Variants in UGT1A8 observed in about 807,000 individuals in gnomAD.
The protein encoded by UGT1A8 is UDP-glucuronosyltransferase 1A8.
In UGT1A8, 39 loss-of-function variants were observed where a neutral mutation model predicts 45.3. The ratio of observed to expected loss-of-function variants is 0.86; its 90% CI spans 0.67 to 1.12. The LOEUF is 1.12. Ranked by LOEUF, UGT1A8 falls within the 50% of genes most tolerant of loss-of-function variation. UGT1A8 has a pLI of 0.00. For synonymous variants in UGT1A8, 275 were observed against 249.2 expected (o/e 1.10, Z -0.97); for missense variants, 719 against 664.9 (o/e 1.08, Z -0.90).
chr2:233,677,969 C>T (rs1392545805), intron 1 of UGT1A8, among the ~76,000 whole-genome samples: 2 of 152,092 alleles, frequency 1.3e-5, no homozygotes, highest in Admixed American at 6.6e-5. Flanking sequence ...AACACATACT[C>T]CATGGAATAT....
chr2:233,713,818 T>C lies in UGT1A8; in HGVS notation c.856-53216T>C, dbSNP rs147668404. 307 of 1,614,106 alleles carry C rather than the reference T, an allele frequency of 1.9e-4. 1 individual carries two copies. The highest frequency in any genetic ancestry group is 2.1e-4 in the Non-Finnish European group (243 of 1,179,982). On this transcript the variant is annotated intron_variant, in intron 1 of 4. Transcript: ENST00000373450. ...CCGATCATGCCCAACATGGTCTTCA[T>C]TGGGGGCATCAACTGTGCCAACGGG...
At chr2:233,691,504 G>T (rs45594938) in intron 1 of UGT1A8, 354 of 985,758 alleles carry the variant, frequency 3.6e-4, no homozygotes, top group Middle Eastern at 5.2e-4. Flanking sequence ...AGGAACTCGC[G>T]TGCCAGCCAG....
At chr2:233,628,815 A>G (rs1460177613) in intron 1 of UGT1A8, among the ~76,000 whole-genome samples, 1 of 152,090 alleles carries the variant, frequency 6.6e-6, no homozygotes, top group Non-Finnish European at 1.5e-5. Context: ...AGAATTTTTT[A>G]TCACAAATCG....
At chr2:233,737,020 G>A (rs2078835336) in intron 1 of UGT1A8, among the ~76,000 whole-genome samples, 1 of 152,228 alleles carries the variant, frequency 6.6e-6, no homozygotes, top group African/African-American at 2.4e-5. Context: ...GAGGCAGTCT[G>A]TCCATTCTCA....
chr2:233,754,865 T>G, intron 1 of UGT1A8: 2 of 1,351,074 alleles, frequency 1.5e-6, no homozygotes, highest in Non-Finnish European at 2.0e-6. Flanking sequence ...GTGCAGACCC[T>G]CTGCTTCTGC....
chr2:233,734,624 C>A (rs1319602311), intron 1 of UGT1A8, among the ~76,000 whole-genome samples: 1 of 152,146 alleles, frequency 6.6e-6, no homozygotes, highest in Non-Finnish European at 1.5e-5. Flanking sequence ...GATTTTAGAT[C>A]TTTCCTGCTT....
chr2:233,735,210 C>T (rs1481104383), intron 1 of UGT1A8, among the ~76,000 whole-genome samples: 2 of 152,078 alleles, frequency 1.3e-5, no homozygotes, highest in Non-Finnish European at 2.9e-5. Context: ...GTATTGGGTG[C>T]ATATATATTT....
chr2:233,762,367 A>G lies in UGT1A8; in HGVS notation c.856-4667A>G, dbSNP rs34270252. ...GTTCTTTGTACTCCAGCTATTACAT[A>G]CCAATATGTATATAGAAACATATGT... On this transcript the variant is annotated intron_variant, in intron 1 of 4. Transcript: ENST00000373450. 2.9e-4 allele frequency among the ~76,000 whole-genome samples: 44 copies of G among 152,378 alleles called. 2 individuals are homozygous for G. The East Asian group carries it at 8.1e-3, about 28-fold the overall frequency.
intron 1 of UGT1A8, among the ~76,000 whole-genome samples, chr2:233,666,995 C>T (rs1156968947): frequency 2.6e-5 from 4 of 152,128 alleles, no homozygotes; most frequent in Admixed American, 6.5e-5. Context: ...TTTTTTATGG[C>T]TGCATAGTAT....
At chr2:233,661,076 A>AT (rs1426201751) in intron 1 of UGT1A8, among the ~76,000 whole-genome samples, 1 of 152,074 alleles carries the variant, frequency 6.6e-6, no homozygotes, top group Admixed American at 6.6e-5. Context: ...TAAAAGCTGC[A>AT]TTTTTTATAA....
chr2:233,756,393 A>G (rs1203467562), intron 1 of UGT1A8: 1 of 152,036 alleles, frequency 6.6e-6, no homozygotes, highest in Non-Finnish European at 1.5e-5. Flanking sequence ...GTTTTACAGT[A>G]TTGGTTTTTT....
At chr2:233,716,173 C>T (rs1298365895) in intron 1 of UGT1A8, among the ~76,000 whole-genome samples, 1 of 152,174 alleles carries the variant, frequency 6.6e-6, no homozygotes. Context: ...AGTGCAGCAT[C>T]TTCAAGTCTC....
rs200757651 is a variant in UGT1A8, at chr2:233,637,141, G to A, written c.855+18579G>A. On this transcript the variant is annotated intron_variant, in intron 1 of 4. Coordinates refer to ENST00000373450, the MANE Select transcript of UGT1A8 (RefSeq NM_019076.5). The stretch of plus-strand genomic sequence containing the variant: ...AGATGCCATGACTTTCAAGGAGAGA[G>A]TATGGAACCACATCGTGCACTTGGA... The A allele has an allele frequency of 9.9e-6, 16 of 1,613,966 alleles. No homozygotes were observed. In the African/African-American group the frequency reaches 1.9e-4, roughly 19 times the overall value.
chr2:233,653,494 C>T (rs1000234022), intron 1 of UGT1A8, among the ~76,000 whole-genome samples: 3 of 152,140 alleles, frequency 2.0e-5, no homozygotes, highest in Non-Finnish European at 4.4e-5. Context: ...ATCTGAAATA[C>T]CATGAAAAAT....
At position 233,688,964 on chromosome 2, in the gene UGT1A8, A is replaced by C. The variant is rs562862783; in HGVS notation, c.855+70402A>C. 3.3e-5 allele frequency among the ~76,000 whole-genome samples: 5 copies of C among 152,300 alleles called. No individual in the cohort carries two copies. The East Asian group carries it at 9.7e-4, about 29-fold the overall frequency. On this transcript the variant is annotated intron_variant, in intron 1 of 4. Transcript: ENST00000373450. ...CATGAAGCCAAATGTTTGGAATCAT[A>C]GCATGTTCTTTCCCTTCATCCCTAT... is the stretch of plus-strand genomic sequence containing the variant.
intron 1 of UGT1A8, among the ~76,000 whole-genome samples, chr2:233,763,113 C>T (rs529760384): frequency 4.9e-4 from 74 of 152,338 alleles, no homozygotes; most frequent in African/African-American, 1.7e-3. Flanking sequence ...ACTTTATCAG[C>T]TGCCTTTCTG....
chr2:233,718,828 G>C lies in UGT1A8; in HGVS notation c.856-48206G>C, dbSNP rs137930413. 3.0e-4 allele frequency: 479 copies of C among 1,613,554 alleles called. 1 individual carries two copies. Among genetic ancestry groups the C allele is most frequent in the Admixed American group, 4.7e-4 (28 of 60,022 alleles). ...TCGGTGGCTTCTGCTGAGATGGCCA[G>C]AGGACTCCAGGTTCCCCTGCCGCGG... On this transcript the variant is annotated intron_variant, in intron 1 of 4. Transcript: ENST00000373450.
intron 2 of UGT1A8, 137 bp downstream of exon 2, chr2:233,767,302 A>C (rs951994488): frequency 6.5e-7 from 1 of 1,534,936 alleles, no homozygotes; most frequent in Non-Finnish European, 8.7e-7. Context: ...TATTAATCCA[A>C]AGGTTTTTTT....
chr2:233,760,387 C>T (rs756175438), intron 1 of UGT1A8: 3 of 1,614,166 alleles, frequency 1.9e-6, no homozygotes, highest in Non-Finnish European at 1.7e-6. Flanking sequence ...ACTGTTGATC[C>T]CAGTGGATGG....
Sources: allele counts gnomAD v4.1 joint callset (sites outside exome capture counted in the v4.1 genomes callset), GRCh38; gene constraint gnomAD v4.1.1; transcripts MANE v1.5; gene names NCBI Gene and HGNC (gene_info 2026-07-23, HGNC 2026-07-21).